RARB: variants seen among roughly 807,000 people sequenced by gnomAD.
RARB encodes the protein retinoic acid receptor beta.
A neutral mutation model predicts 51.9 loss-of-function variants in RARB; 17 were observed. The observed-to-expected ratio is 0.33, with a 90% CI of 0.22 to 0.49. The LOEUF (loss-of-function observed/expected upper bound fraction) is 0.49. Among genes scored for constraint, RARB ranks in the 20% least tolerant of loss-of-function variants. The pLI, the probability that RARB is intolerant of heterozygous loss-of-function variation, is 0.99. For missense variants in RARB, 369 were observed against 550.8 expected (o/e 0.67, Z 3.30); for synonymous variants, 215 against 195.4 (o/e 1.10, Z -0.84).
chr3:25,019,043 C>T (rs1697573951), intron 2 of RARB, among the ~76,000 whole-genome samples: 1 of 152,174 alleles, frequency 6.6e-6, no homozygotes, highest in African/African-American at 2.4e-5. Flanking sequence ...AAAAGCAGAA[C>T]TTGTTCAAAT....
At chr3:24,847,890 T>C (rs1034602020) in intron 1 of RARB, among the ~76,000 whole-genome samples, 7 of 152,226 alleles carry the variant, frequency 4.6e-5, no homozygotes, top group African/African-American at 1.7e-4. Flanking sequence ...CTGGCCTATA[T>C]GTGGAAAGAC....
chr3:24,917,408 T>C (rs1575070693), intron 2 of RARB, among the ~76,000 whole-genome samples: 1 of 152,334 alleles, frequency 6.6e-6, no homozygotes, highest in South Asian at 2.1e-4. Flanking sequence ...AAATAGCATA[T>C]TTGATGAACT....
intron 1 of RARB, among the ~76,000 whole-genome samples, chr3:24,829,564 G>C (rs1452455882): frequency 2.6e-5 from 4 of 152,188 alleles, no homozygotes; most frequent in Admixed American, 2.0e-4. Flanking sequence ...CCGCGGCGGG[G>C]CCGGGGGCTG....
chr3:25,102,854 C>A (rs1400296678), intron 3 of RARB, among the ~76,000 whole-genome samples: 1 of 152,072 alleles, frequency 6.6e-6, no homozygotes, highest in Non-Finnish European at 1.5e-5. Flanking sequence ...GAGTTTGAGG[C>A]CAGCCTGGCC....
intron 2 of RARB, among the ~76,000 whole-genome samples, chr3:25,055,235 TAAAAG>T (rs531803591): frequency 4.7e-4 from 71 of 152,284 alleles, no homozygotes; most frequent in African/African-American, 1.6e-3. Flanking sequence ...TTTGGTAAAT[TAAAAG>T]AGAAGATGAA....
chr3:25,114,771 G>A (rs1420775930), intron 3 of RARB, among the ~76,000 whole-genome samples: 3 of 152,220 alleles, frequency 2.0e-5, no homozygotes, highest in African/African-American at 4.8e-5. Flanking sequence ...GATCAGGAAA[G>A]CTCTAACATG....
intron 3 of RARB, among the ~76,000 whole-genome samples, chr3:25,072,785 T>G (rs1254071740): frequency 6.6e-6 from 1 of 152,026 alleles, no homozygotes; most frequent in Non-Finnish European, 1.5e-5. Context: ...CTCGGCTCAC[T>G]GCAAGCTCCG....
intron 2 of RARB, among the ~76,000 whole-genome samples, chr3:24,966,402 C>T (rs1013080916): frequency 4.6e-5 from 7 of 152,128 alleles, no homozygotes; most frequent in Non-Finnish European, 7.4e-5. Flanking sequence ...ATTTCTATTC[C>T]TATCTGTGTC....
intron 1 of RARB, among the ~76,000 whole-genome samples, chr3:25,447,091 G>A (rs1708981732): frequency 1.3e-5 from 2 of 152,248 alleles, no homozygotes; most frequent in Middle Eastern, 3.4e-3. Flanking sequence ...ATGGGGTAAT[G>A]TGTGTGAAAA....
intron 5 of RARB, among the ~76,000 whole-genome samples, chr3:25,310,553 A>G (rs1704263837): frequency 6.6e-6 from 1 of 152,200 alleles, no homozygotes; most frequent in Non-Finnish European, 1.5e-5. Context: ...AAAATGCAGT[A>G]TGTTCAGAGT....
intron 2 of RARB, among the ~76,000 whole-genome samples, chr3:24,861,715 G>T (rs1369887726): frequency 1.3e-5 from 2 of 152,018 alleles, no homozygotes; most frequent in Non-Finnish European, 2.9e-5. Context: ...TTGGGTTCAC[G>T]TATCTGCTTC....
intron 5 of RARB, among the ~76,000 whole-genome samples, chr3:25,401,033 T>G (rs143952113): frequency 2.0e-5 from 3 of 152,222 alleles, no homozygotes; most frequent in African/African-American, 7.2e-5. Flanking sequence ...CATTCTTAGT[T>G]TCATAAGGCA....
At chr3:25,392,153 T>C (rs1160027242) in intron 5 of RARB, among the ~76,000 whole-genome samples, 1 of 152,176 alleles carries the variant, frequency 6.6e-6, no homozygotes, top group African/African-American at 2.4e-5. Context: ...AGGGTGTCCT[T>C]TCCCCACTTT....
chr3:24,940,444 A>G (rs1422454459), intron 2 of RARB, among the ~76,000 whole-genome samples: 9 of 108,202 alleles, frequency 8.3e-5, no homozygotes, highest in Admixed American at 6.2e-4. Context: ...CTCTTTTTAC[A>G]ACAAGAGAAG....
chr3:25,571,561 G>C (rs146119276), intron 4 of RARB, among the ~76,000 whole-genome samples: 2 of 152,332 alleles, frequency 1.3e-5, no homozygotes, highest in East Asian at 3.9e-4. Flanking sequence ...TCCCAGAGCA[G>C]GGACACAGGC....
chr3:25,278,443 C>G (rs1051679711), intron 5 of RARB, among the ~76,000 whole-genome samples: 1 of 152,138 alleles, frequency 6.6e-6, no homozygotes, highest in Non-Finnish European at 1.5e-5. Context: ...CTTCCAAATC[C>G]TTATAGAACA....
chr3:25,348,416 C>T (rs1244027691), intron 5 of RARB, among the ~76,000 whole-genome samples: 1 of 151,844 alleles, frequency 6.6e-6, no homozygotes, highest in Non-Finnish European at 1.5e-5. Flanking sequence ...AAAGTGTCAG[C>T]TCTGCCCATT....
chr3:25,541,846 C>A (rs1699397838), intron 3 of RARB, among the ~76,000 whole-genome samples: 1 of 152,224 alleles, frequency 6.6e-6, no homozygotes, highest in Non-Finnish European at 1.5e-5. Flanking sequence ...TCCACAGACT[C>A]CTGAGCCCCT....
chr3:24,860,341 A>C (rs1009708474), intron 2 of RARB, among the ~76,000 whole-genome samples: 1 of 152,144 alleles, frequency 6.6e-6, no homozygotes, highest in Non-Finnish European at 1.5e-5. Flanking sequence ...ACCTCCTCTC[A>C]GCCTTCTTTT....
Sources: allele counts gnomAD v4.1 joint callset (sites outside exome capture counted in the v4.1 genomes callset), GRCh38; gene constraint gnomAD v4.1.1; transcripts MANE v1.5; gene names NCBI Gene and HGNC (gene_info 2026-07-23, HGNC 2026-07-21).